Variants in PRSS41 observed in about 807,000 individuals in gnomAD.
The protein encoded by PRSS41 is protease, serine 41.
In PRSS41, 37 loss-of-function variants were observed where a neutral mutation model predicts 28.8. The ratio of observed to expected loss-of-function variants is 1.29; its 90% CI spans 0.99 to 1.69. The LOEUF is 1.69. Among genes scored for constraint, PRSS41 ranks in the 40% most tolerant of loss-of-function variants. PRSS41 has a pLI of 0.00. For missense variants in PRSS41, 431 were observed against 400.7 expected, an observed-to-expected ratio of 1.08 and a Z score of -0.65; for synonymous variants, 195 against 163.1, an observed-to-expected ratio of 1.20 and a Z score of -1.49.
At chr16:2,802,931 C>A (rs2068999617) in intron 4 of PRSS41, among the ~76,000 whole-genome samples, 1 of 152,138 alleles carries the variant, frequency 6.6e-6, no homozygotes, top group African/African-American at 2.4e-5. Flanking sequence ...GTATTAAATT[C>A]TATTTTGTCT....
intron 4 of PRSS41, among the ~76,000 whole-genome samples, chr16:2,801,885 C>T (rs547067365): frequency 3.1e-3 from 466 of 152,166 alleles, no homozygotes; most frequent in Non-Finnish European, 4.7e-3. Context: ...GGTGGCCGGG[C>T]AGAGGGGCTC....
exon 4 of PRSS41, chr16:2,799,307 G>C: frequency 6.4e-7 from 1 of 1,551,620 alleles, no homozygotes; most frequent in African/African-American, 1.4e-5. Flanking sequence ...CCTCCGAGTG[G>C]ACGGTCCAGC....
intron 4 of PRSS41, among the ~76,000 whole-genome samples, chr16:2,802,209 G>A (rs1490592431): frequency 6.6e-6 from 1 of 151,132 alleles, no homozygotes; most frequent in Non-Finnish European, 1.5e-5. Context: ...AGACAGGGTC[G>A]CGGCCGGGCA....
intron 4 of PRSS41, among the ~76,000 whole-genome samples, chr16:2,801,058 C>T (rs371517380): frequency 2.6e-5 from 4 of 152,226 alleles, no homozygotes; most frequent in East Asian, 1.9e-4. Context: ...AGGCTGGTCT[C>T]GAACTCCTGA....
At chr16:2,802,205 G>T (rs2068992842) in intron 4 of PRSS41, among the ~76,000 whole-genome samples, 1 of 151,140 alleles carries the variant, frequency 6.6e-6, no homozygotes, top group East Asian at 2.0e-4. Context: ...TCCCAGACAG[G>T]GTCGCGGCCG....
chr16:2,801,982 C>A (rs1160641259), intron 4 of PRSS41, among the ~76,000 whole-genome samples: 13 of 150,042 alleles, frequency 8.7e-5, no homozygotes, highest in Non-Finnish European at 1.5e-4. Context: ...GACCCCCCCA[C>A]CTCCCTCCCG....
At chr16:2,800,288 C>T (rs973833421) in intron 4 of PRSS41, among the ~76,000 whole-genome samples, 2 of 152,156 alleles carry the variant, frequency 1.3e-5, no homozygotes, top group African/African-American at 4.8e-5. Context: ...AGCCTATAAT[C>T]CCAGCACTTT....
chr16:2,799,444 G>A (rs892961802), exon 4 of PRSS41: 7 of 1,552,202 alleles, frequency 4.5e-6, no homozygotes, highest in Non-Finnish European at 6.1e-6. Context: ...GCCCTGCTGA[G>A]ACTGGCCTCT....
At chr16:2,804,312 C>G (rs537213080) in intron 4 of PRSS41, 77 bp from the exon 5 acceptor site, 20 of 1,491,404 alleles carry the variant, frequency 1.3e-5, no homozygotes, top group Non-Finnish European at 1.8e-6. Flanking sequence ...CCCTATAACA[C>G]ATGCCCTTTC....
At chr16:2,801,326 T>A (rs2068984446) in intron 4 of PRSS41, among the ~76,000 whole-genome samples, 1 of 152,124 alleles carries the variant, frequency 6.6e-6, no homozygotes, top group African/African-American at 2.4e-5. Context: ...AATGTTGTTC[T>A]TGGACTCTTA....
At chr16:2,805,069 C>T (rs373545660) in exon 6 of PRSS41, 2 of 1,552,198 alleles carry the variant, frequency 1.3e-6, no homozygotes, top group African/African-American at 1.4e-5. Flanking sequence ...TGATGTCCCA[C>T]AGTACACCCA....
Position 2,799,263 on chromosome 16 carries a change from C to T in PRSS41, c.258-23C>T, listed in dbSNP as rs982526112. On this transcript the variant is annotated intron_variant, in intron 3 of 5. Transcript: ENST00000399677. ...GCCAGCCCCCTATTCCAAGGCTCCC[C>T]GCCCTCTCTCCTTTTCTGCTAGGCA... 1.2e-5 allele frequency: 19 copies of T among 1,549,604 alleles called. No individual in the cohort carries two copies. The Admixed American group carries it at 2.7e-4, about 22-fold the overall frequency.
intron 5 of PRSS41, 21 bp downstream of exon 5, chr16:2,804,567 A>G: frequency 6.5e-7 from 1 of 1,549,222 alleles, no homozygotes; most frequent in Admixed American, 2.0e-5. Context: ...CTACCCCACC[A>G]GGGAATCCCA....
rs747300801 is a variant in PRSS41 at position 2,804,443 on chromosome 16, A to C, written c.596A>C (p.Asn199Thr). ...GAAGCACAGGTCACCATCTTAAACA[A>C]CACCAGGTGTAATTACCTGTTTGAA... is the stretch of plus-strand genomic sequence containing the variant. The change falls in exon 5 of 6, where the codon AAC becomes ACC. Residue 199 changes from asparagine to threonine, a missense_variant. Transcript: ENST00000399677. 9 of 1,551,626 alleles carry C rather than the reference A, an allele frequency of 5.8e-6. No homozygotes were observed. In the South Asian group the frequency reaches 9.5e-5, roughly 16 times the overall value.
exon 4 of PRSS41, chr16:2,799,562 C>T (rs1358183773): frequency 2.6e-6 from 4 of 1,551,320 alleles, no homozygotes; most frequent in Non-Finnish European, 3.5e-6. Flanking sequence ...TAATCAGCCC[C>T]AGTGGCAGTG....
rs530153410 is a variant in PRSS41 at position 2,801,091 on chromosome 16, G to A, written c.541+1522G>A. Among the ~76,000 whole-genome samples, 358 of 152,196 alleles carry A rather than the reference G, an allele frequency of 2.4e-3. 3 individuals are homozygous for A. The highest frequency in any genetic ancestry group is 3.7e-3 in the Non-Finnish European group (254 of 68,002). On this transcript the variant is annotated intron_variant, in intron 4 of 5. Coordinates refer to ENST00000399677, the Ensembl canonical transcript of PRSS41. ...TGACCTCAGGTGAACTACCCACCTCGGCCTCCCAAAGTTCGGGGATTACAG... is the reference window on the plus strand; with the variant it reads ...TGACCTCAGGTGAACTACCCACCTCAGCCTCCCAAAGTTCGGGGATTACAG...
At chr16:2,804,489 G>T (rs1412309096) in exon 5 of PRSS41, 1 of 1,551,426 alleles carries the variant, frequency 6.4e-7, no homozygotes, top group Non-Finnish European at 8.7e-7. Flanking sequence ...GCCGTAGTAT[G>T]ATCTGGGATT....
At chr16:2,799,367 C>G in exon 4 of PRSS41, 1 of 1,551,936 alleles carries the variant, frequency 6.4e-7, no homozygotes, top group Middle Eastern at 1.7e-4. Context: ...GGGCCTACAG[C>G]AGTCGTTACA....
chr16:2,804,446 C>G (rs750242436), exon 5 of PRSS41: 65 of 1,551,504 alleles, frequency 4.2e-5, no homozygotes, highest in Non-Finnish European at 5.1e-5. Flanking sequence ...TTAAACAACA[C>G]CAGGTGTAAT....
Sources: gnomAD v4.1 joint callset for allele counts (sites outside exome capture counted in the v4.1 genomes callset) on GRCh38, gnomAD v4.1.1 for gene constraint, MANE v1.5 for transcripts, NCBI Gene and HGNC (gene_info 2026-07-23, HGNC 2026-07-21) for gene names.